Variants in KANK2 observed in about 807,000 individuals in gnomAD.
The protein encoded by KANK2 is KN motif and ankyrin repeat domains 2, also known as KN motif and ankyrin repeat domain-containing protein 2.
In KANK2, 41 loss-of-function variants were observed where a neutral mutation model predicts 74.6. The observed-to-expected ratio is 0.55, with a 90% CI of 0.43 to 0.71. The LOEUF is 0.71. Among genes scored for constraint, KANK2 ranks in the 30% least tolerant of loss-of-function variants. The pLI, the probability that KANK2 is intolerant of heterozygous loss-of-function variation, is 0.00. For synonymous variants in KANK2, 537 were observed against 519.0 expected, an observed-to-expected ratio of 1.03 and a Z score of -0.47; for missense variants, 1,148 against 1,196.4, an observed-to-expected ratio of 0.96 and a Z score of 0.60.
chr19:11,184,621 G>C lies in KANK2; in HGVS notation c.1250-5901C>G, dbSNP rs1022293218. ...TCACAGACAGTATGTAAGTGATTCC[G>C]CGTGGCTGTATCCAATAAGTTTGAA... is the stretch of plus-strand genomic sequence containing the variant. On this transcript the variant is annotated intron_variant, in intron 4 of 12. Coordinates refer to ENST00000586659, the MANE Select transcript of KANK2 (RefSeq NM_001136191.3). 2.0e-5 allele frequency among the ~76,000 whole-genome samples: 3 copies of C among 149,016 alleles called. No homozygotes were observed. The East Asian group carries it at 5.8e-4, about 29-fold the overall frequency.
At chr19:11,192,793 C>CAG (rs767563543) in intron 4 of KANK2, 38 bp downstream of exon 4, 6 of 1,576,204 alleles carry the variant, frequency 3.8e-6, no homozygotes, top group African/African-American at 2.7e-5. Flanking sequence ...GCCCCCCCCC[C>CAG]CCAAGCCATT....
chr19:11,178,097 T>C (rs2078396416), intron 6 of KANK2, among the ~76,000 whole-genome samples: 1 of 152,156 alleles, frequency 6.6e-6, no homozygotes, highest in Admixed American at 6.6e-5. Flanking sequence ...GGGGTAGAGC[T>C]GTGCAGTGGT....
chr19:11,175,017 A>G (rs1440494785), intron 8 of KANK2, among the ~76,000 whole-genome samples: 1 of 149,274 alleles, frequency 6.7e-6, no homozygotes, highest in African/African-American at 2.5e-5. Flanking sequence ...GAGTGCAGTT[A>G]CATGATCAGG....
rs2078013900 is a variant in KANK2 at position 11,165,930 on chromosome 19, G to A, written c.*628C>T. The A allele has an allele frequency of 6.6e-6, 1 of 152,258 alleles. No homozygotes were observed. Among genetic ancestry groups the A allele is most frequent in the African/African-American group, 2.4e-5 (1 of 41,426 alleles). The allele number at this position is 152,258 out of a possible 1,614,324, so 9.4% of individuals were successfully genotyped here. On this transcript the variant is annotated 3_prime_UTR_variant, in exon 13 of 13. Coordinates refer to ENST00000586659, the MANE Select transcript of KANK2 (RefSeq NM_001136191.3). Reference sequence around the variant, plus strand: ...CCTGAGTCCCTTCATCTGAATGAGGGTGAAAAGACTGAGTTTTCTGTCCCG... The same window carrying A: ...CCTGAGTCCCTTCATCTGAATGAGGATGAAAAGACTGAGTTTTCTGTCCCG...
intron 4 of KANK2, among the ~76,000 whole-genome samples, chr19:11,182,932 C>T (rs2078571835): frequency 6.6e-6 from 1 of 151,390 alleles, no homozygotes; most frequent in African/African-American, 2.4e-5. Flanking sequence ...CAGGCAGTGA[C>T]TTCAAAACCT....
At chr19:11,187,547 TG>T (rs1346520703) in intron 4 of KANK2, among the ~76,000 whole-genome samples, 1 of 152,094 alleles carries the variant, frequency 6.6e-6, no homozygotes, top group Non-Finnish European at 1.5e-5. Context: ...CTTCAGTCTG[TG>T]GGTGCTGTTT....
intron 4 of KANK2, among the ~76,000 whole-genome samples, chr19:11,184,113 A>C (rs1350996057): frequency 6.6e-6 from 1 of 152,184 alleles, no homozygotes. Flanking sequence ...ATGGTGGCTC[A>C]TGCCTGTAAT....
rs200077123 is a variant in KANK2 at position 11,178,306 on chromosome 19, G to A, written c.1520+39C>T. The A allele has an allele frequency of 2.7e-3, 2,397 of 884,848 alleles. 3 individuals are homozygous for A. Among genetic ancestry groups the A allele is most frequent in the Non-Finnish European group, 3.4e-3 (2,226 of 659,368 alleles). The allele number at this position is 884,848 out of a possible 1,614,324, so 54.8% of individuals were successfully genotyped here. On this transcript the variant is annotated intron_variant, in intron 6 of 12. Coordinates refer to ENST00000586659, the MANE Select transcript of KANK2 (RefSeq NM_001136191.3). ...GTGCGTGGATGAATGGAGGAGGGGC[G>A]GGAAGTATGGGGTGGGGGGTGGGGT...
At chr19:11,175,116 C>T (rs1298437069) in intron 8 of KANK2, among the ~76,000 whole-genome samples, 1 of 151,888 alleles carries the variant, frequency 6.6e-6, no homozygotes, top group Non-Finnish European at 1.5e-5. Context: ...CACCACTATG[C>T]CTAGCTAATT....
chr19:11,175,427 CAAAA>C (rs753933217), intron 8 of KANK2, among the ~76,000 whole-genome samples: 34 of 14,972 alleles, frequency 2.3e-3, no homozygotes, highest in African/African-American at 6.1e-3. Context: ...GACTCCCTCT[CAAAA>C]AAAAAAAAAA....
Position 11,171,976 on chromosome 19 carries a change from T to C in KANK2, c.2211+1005A>G, listed in dbSNP as rs979385127. On this transcript the variant is annotated intron_variant, in intron 10 of 12. Coordinates refer to ENST00000586659, the MANE Select transcript of KANK2 (RefSeq NM_001136191.3). ...GGCATGAGCCACCGCACCCGGCTAA[T>C]TTTTTTTTTTTTTTTTTGAGACAGA... Among the ~76,000 whole-genome samples the C allele has an allele frequency of 5.0e-5, 6 of 120,716 alleles. No individual in the cohort carries two copies. The South Asian group carries it at 1.2e-3, about 24-fold the overall frequency. 79.2% of individuals were successfully genotyped at this position (120,716 alleles called of 152,430 possible).
At position 11,175,897 on chromosome 19, in the gene KANK2, C is replaced by T; in HGVS notation, c.1848+5G>A. On this transcript the variant is annotated splice_donor_5th_base_variant and intron_variant, in intron 8 of 12. Transcript: ENST00000586659. ...GGCCAACCTAGGCCCAGGGCCAGAT[C>T]GTACCAGCTCCCGCTCTGTGAGGGC... is the stretch of plus-strand genomic sequence containing the variant. The T allele has an allele frequency of 1.2e-6, 2 of 1,612,370 alleles. No individual in the cohort carries two copies. Among genetic ancestry groups the T allele is most frequent in the Non-Finnish European group, 1.7e-6 (2 of 1,178,932 alleles).
At chr19:11,167,420 G>A (rs1332292441) in intron 12 of KANK2, among the ~76,000 whole-genome samples, 1 of 151,830 alleles carries the variant, frequency 6.6e-6, no homozygotes, top group African/African-American at 2.4e-5. Context: ...CTGGAGTATA[G>A]TGGTCCAATC....
At chr19:11,195,508 A>G (rs1386209669) in intron 2 of KANK2, 114 bp downstream of exon 2, 1 of 152,378 alleles carries the variant, frequency 6.6e-6, no homozygotes, top group South Asian at 2.1e-4. Context: ...CCATCCCACC[A>G]TCAGAGTAAA....
At chr19:11,185,705 G>A (rs1323103361) in intron 4 of KANK2, among the ~76,000 whole-genome samples, 1 of 150,070 alleles carries the variant, frequency 6.7e-6, no homozygotes, top group Non-Finnish European at 1.5e-5. Flanking sequence ...GGCATACACA[G>A]AGAAGCCCTA....
chr19:11,188,682 A>C (rs188252502), intron 4 of KANK2, among the ~76,000 whole-genome samples: 126 of 151,710 alleles, frequency 8.3e-4, no homozygotes, highest in Middle Eastern at 3.4e-3. Flanking sequence ...TCATGTCTTC[A>C]TTCAAAGATG....
intron 4 of KANK2, among the ~76,000 whole-genome samples, chr19:11,181,580 GA>G (rs1312407860): frequency 6.6e-6 from 1 of 152,144 alleles, no homozygotes; most frequent in Non-Finnish European, 1.5e-5. Flanking sequence ...ACAGAAAATA[GA>G]ATGGTGGGTG....
intron 4 of KANK2, among the ~76,000 whole-genome samples, chr19:11,183,444 T>C (rs17678527): frequency 0.067 from 10,163 of 152,238 alleles, 392 homozygotes; most frequent in Admixed American, 0.091. Flanking sequence ...TAAAGGGAGA[T>C]AATGTAGCAG....
intron 4 of KANK2, among the ~76,000 whole-genome samples, chr19:11,189,308 A>G (rs1260635281): frequency 6.6e-6 from 1 of 151,772 alleles, no homozygotes; most frequent in Non-Finnish European, 1.5e-5. Context: ...TGCCATCAGG[A>G]CCCCCGATTT....
Sources: allele counts gnomAD v4.1 joint callset (sites outside exome capture counted in the v4.1 genomes callset), GRCh38; gene constraint gnomAD v4.1.1; transcripts MANE v1.5; gene names NCBI Gene and HGNC (gene_info 2026-07-23, HGNC 2026-07-21).